The following TRIO variants were observed in gnomAD, a reference collection of about 807,000 sequenced individuals.
TRIO encodes triple functional domain protein.
In TRIO, 58 loss-of-function variants were observed where a neutral mutation model predicts 351.9. That is an observed-to-expected ratio of 0.16 (90% confidence interval 0.13 to 0.21). The LOEUF is 0.21. TRIO is among the 10% of genes least tolerant of loss of function. The pLI is 1.00. For missense variants in TRIO, 3,201 were observed against 4,027.8 expected (o/e 0.79, Z 5.56); for synonymous variants, 1,758 against 1,595.7 (o/e 1.10, Z -2.42).
rs569277509 is a variant in TRIO at position 14,375,655 on chromosome 5, G to A, written c.3331+1312G>A. 4.6e-5 allele frequency among the ~76,000 whole-genome samples: 7 copies of A among 152,246 alleles called. No individual in the cohort carries two copies. The East Asian group carries it at 1.2e-3, about 25-fold the overall frequency. The stretch of plus-strand genomic sequence containing the variant: ...AACCCCAAGGCACAGGCAAGGAGGA[G>A]TCTCAGACCACGTGGTCAGAGGACC... On this transcript the variant is annotated intron_variant, in intron 19 of 56. Coordinates refer to ENST00000344204, the MANE Select transcript of TRIO (RefSeq NM_007118.4).
rs143747764 is a variant in TRIO, at chr5:14,476,917, A to G, written c.6107A>G (p.Lys2036Arg). 53 of 1,613,952 alleles carry G rather than the reference A, an allele frequency of 3.3e-5. No homozygotes were observed. The highest frequency in any genetic ancestry group is 9.9e-5 in the South Asian group (9 of 91,068). ...AGCTTTTTTTTAGGAGAGTTAGAGA[A>G]GTGCCTTGAAGATCCAGAAAAACTA... is the stretch of plus-strand genomic sequence containing the variant. ...HRDFFLGELE[K>R]CLEDPEKLGS... Residue 2036 changes from lysine (K) to arginine (R), a missense_variant, in exon 41 of 57, where the codon AAG (lysine) becomes AGG (arginine). Lys to Arg is a conservative substitution (Grantham distance 26, BLOSUM62 2). Transcript: ENST00000344204.
intron 17 of TRIO, 53 bp from the exon 18 acceptor site, chr5:14,369,321 C>T (rs1744874404): frequency 6.5e-7 from 1 of 1,545,932 alleles, no homozygotes; most frequent in Non-Finnish European, 8.7e-7. Context: ...CCAGGGATAC[C>T]AGTCGGCAGT....
chr5:14,434,711 A>AT (rs1751449913), intron 34 of TRIO, among the ~76,000 whole-genome samples: 1 of 152,220 alleles, frequency 6.6e-6, no homozygotes, highest in Non-Finnish European at 1.5e-5. Flanking sequence ...TTAATAGTCA[A>AT]TTAAGAATCC....
intron 11 of TRIO, among the ~76,000 whole-genome samples, chr5:14,352,253 C>T (rs1743205537): frequency 6.6e-6 from 1 of 152,228 alleles, no homozygotes; most frequent in African/African-American, 2.4e-5. Context: ...AGATGGCCAG[C>T]AATAGCTCTG....
At chr5:14,313,622 C>G (rs1739119688) in intron 8 of TRIO, among the ~76,000 whole-genome samples, 1 of 152,182 alleles carries the variant, frequency 6.6e-6, no homozygotes, top group Non-Finnish European at 1.5e-5. Flanking sequence ...CATTCCAGGG[C>G]TAGTGTGGTA....
intron 33 of TRIO, among the ~76,000 whole-genome samples, chr5:14,408,243 T>C (rs1304349622): frequency 6.6e-6 from 1 of 152,254 alleles, no homozygotes; most frequent in Non-Finnish European, 1.5e-5. Flanking sequence ...CTTAATGTTC[T>C]AGTTTCAAGG....
At chr5:14,506,372 G>C (rs1757686354) in intron 55 of TRIO, among the ~76,000 whole-genome samples, 1 of 152,210 alleles carries the variant, frequency 6.6e-6, no homozygotes, top group Non-Finnish European at 1.5e-5. Flanking sequence ...ACAGATTTCT[G>C]TTTTGCAAAG....
intron 48 of TRIO, among the ~76,000 whole-genome samples, chr5:14,491,956 C>G (rs1204414386): frequency 6.6e-6 from 1 of 152,166 alleles, no homozygotes; most frequent in Non-Finnish European, 1.5e-5. Context: ...CAGAGTCGCT[C>G]TCCGTATGAG....
At chr5:14,175,721 C>A (rs1320118532) in intron 1 of TRIO, among the ~76,000 whole-genome samples, 1 of 152,176 alleles carries the variant, frequency 6.6e-6, no homozygotes, top group Non-Finnish European at 1.5e-5. Context: ...ATTTGGGAAA[C>A]TCCCCTGTAC....
chr5:14,387,750 G>A lies in TRIO; in HGVS notation c.3784G>A (p.Asp1262Asn), dbSNP rs1746672004. Residue 1262 changes from aspartate (D) to asparagine (N), a missense_variant, in exon 23 of 57, where the codon GAT (aspartate) becomes AAT (asparagine). Physicochemically the swap from Asp to Asn is conservative, Grantham distance 23 (BLOSUM62 1). Coordinates refer to ENST00000344204, the MANE Select transcript of TRIO (RefSeq NM_007118.4). Reference protein sequence around the residue: ...SNKSSKSLQLDIIPASIPGSE... With the variant: ...SNKSSKSLQLNIIPASIPGSE... ...TCCACAGAGTAAAAGTCTCCAGCTA[G>A]ATATCATTCCAGCCAGTATCCCTGG... The A allele has an allele frequency of 6.2e-7, 1 of 1,614,216 alleles. No homozygotes were observed. The highest frequency in any genetic ancestry group is 8.5e-7 in the Non-Finnish European group (1 of 1,180,038).
chr5:14,253,206 A>T (rs559286359), intron 1 of TRIO, among the ~76,000 whole-genome samples: 3 of 152,196 alleles, frequency 2.0e-5, no homozygotes, highest in Admixed American at 2.0e-4. Context: ...AGAAAATAGA[A>T]AAATCTTTTA....
intron 1 of TRIO, 75 bp from the exon 2 acceptor site, chr5:14,270,750 A>C (rs574218718): frequency 5.4e-5 from 62 of 1,145,060 alleles, no homozygotes; most frequent in Admixed American, 1.4e-4. Context: ...CTGTGTTGGC[A>C]TTGGATAGAA....
intron 7 of TRIO, among the ~76,000 whole-genome samples, chr5:14,302,221 A>AT: frequency 6.6e-6 from 1 of 152,346 alleles, no homozygotes. Flanking sequence ...GCTTCTGTTC[A>AT]TTACATTATG....
chr5:14,417,265 G>C (rs1342992633), intron 33 of TRIO, among the ~76,000 whole-genome samples: 1 of 152,200 alleles, frequency 6.6e-6, no homozygotes, highest in Non-Finnish European at 1.5e-5. Context: ...TTTTCCTTGT[G>C]GCCTAGCAAA....
At chr5:14,467,394 C>T (rs928799920) in intron 37 of TRIO, among the ~76,000 whole-genome samples, 7 of 152,270 alleles carry the variant, frequency 4.6e-5, no homozygotes, top group South Asian at 2.1e-4. Flanking sequence ...TGACGTGTCA[C>T]CCTGCCATAG....
chr5:14,404,276 G>C (rs977043436), intron 31 of TRIO, among the ~76,000 whole-genome samples: 1 of 151,996 alleles, frequency 6.6e-6, no homozygotes, highest in Non-Finnish European at 1.5e-5. Flanking sequence ...GTCTTAAGCA[G>C]ATTGCGACTA....
chr5:14,481,177 A>C, intron 43 of TRIO, 57 bp from the exon 44 acceptor site: 1 of 1,554,236 alleles, frequency 6.4e-7, no homozygotes, highest in Non-Finnish European at 8.7e-7. Flanking sequence ...AAAAAATAAA[A>C]GGTCAGCTGC....
At chr5:14,349,242 T>A (rs1026704685) in intron 11 of TRIO, among the ~76,000 whole-genome samples, 3 of 150,028 alleles carry the variant, frequency 2.0e-5, no homozygotes, top group Non-Finnish European at 4.4e-5. Flanking sequence ...TGTTTGTGTG[T>A]GCACACACGT....
intron 33 of TRIO, among the ~76,000 whole-genome samples, chr5:14,408,551 C>T (rs1476541149): frequency 6.6e-6 from 1 of 152,094 alleles, no homozygotes; most frequent in East Asian, 1.9e-4. Context: ...CTCCGAGACC[C>T]CACCTATGGC....
Sources: allele counts gnomAD v4.1 joint callset (sites outside exome capture counted in the v4.1 genomes callset), GRCh38; gene constraint gnomAD v4.1.1; transcripts MANE v1.5; gene names NCBI Gene and HGNC (gene_info 2026-07-23, HGNC 2026-07-21).